MEIS3: variants seen among roughly 807,000 people sequenced by gnomAD.
MEIS3 encodes homeobox protein Meis3.
A neutral mutation model predicts 51.4 loss-of-function variants in MEIS3; 38 were observed. That is an observed-to-expected ratio of 0.74 (90% confidence interval 0.57 to 0.97). The LOEUF (loss-of-function observed/expected upper bound fraction) is 0.97. Ranked by LOEUF, MEIS3 falls within the 50% of genes least tolerant of loss-of-function variation. MEIS3 has a pLI of 0.00. For synonymous variants in MEIS3, 198 were observed against 201.8 expected (o/e 0.98, Z 0.16); for missense variants, 456 against 502.6 (o/e 0.91, Z 0.89).
chr19:47,404,618 C>T (rs1358266380), intron 12 of MEIS3, among the ~76,000 whole-genome samples: 1 of 152,136 alleles, frequency 6.6e-6, no homozygotes, highest in East Asian at 1.9e-4. Context: ...CTGCTTCACT[C>T]CTCCCATTCT....
At chr19:47,415,907 C>G (rs113877318) in intron 4 of MEIS3, 2 of 151,428 alleles carry the variant, frequency 1.3e-5, no homozygotes, top group Non-Finnish European at 2.9e-5. Flanking sequence ...TTCTCTAGCT[C>G]TCTATGAGAG....
rs1404482478 is a variant in MEIS3, at chr19:47,409,233, T to C, written c.724A>G (p.Thr242Ala). Residue 242 changes from threonine to alanine, a missense_variant, in exon 8 of 13, where the codon ACC becomes GCC. Transcript: ENST00000558555. ...NSSDQGDGLD[T>A]SVASPSSGGE... is the part of the protein sequence containing the mutation. The stretch of plus-strand genomic sequence containing the variant: ...CCAGAACTGGGAGAGGCCACGCTGG[T>C]GTCCAGCCCGTCTCCTGAGGGAAGG... 1.2e-6 allele frequency: 2 copies of C among 1,612,034 alleles called. No individual in the cohort carries two copies. The highest frequency in any genetic ancestry group is 3.3e-5 in the Admixed American group (2 of 59,746).
intron 12 of MEIS3, among the ~76,000 whole-genome samples, chr19:47,404,062 GGTATGGTGGCGCACGCCT>G (rs1202479931): frequency 1.3e-5 from 2 of 152,134 alleles, no homozygotes; most frequent in African/African-American, 4.8e-5. Context: ...AAATTAGCCA[GGTATGGTGGCGCACGCCT>G]GTAGTCTCAG....
intron 12 of MEIS3, among the ~76,000 whole-genome samples, chr19:47,403,831 C>G (rs574618344): frequency 6.6e-6 from 1 of 151,948 alleles, no homozygotes; most frequent in Admixed American, 6.6e-5. Flanking sequence ...AGAGACAGAC[C>G]TGGAGGGAGT....
rs1275640061 is a variant in MEIS3 at position 47,409,427 on chromosome 19, G to C, written c.709+9C>G. ...CCCATGTTTCCCTTCCACCTCCCAA[G>C]ATTCTCACCTTGGTCACTGGAGTTG... On this transcript the variant is annotated intron_variant, in intron 7 of 12. Transcript: ENST00000558555. 1 of 1,609,678 alleles carries C rather than the reference G, an allele frequency of 6.2e-7. No individual in the cohort carries two copies. The highest frequency in any genetic ancestry group is 8.5e-7 in the Non-Finnish European group (1 of 1,176,074).
rs369394236 is a variant in MEIS3, at chr19:47,406,535, C to CA, written c.1079-10dup. ...ACTCATCCCCACTGATCCTGGAAGA[C>CA]AAAAAAAAAGGAGGGTAAGTGCGTC... is the stretch of plus-strand genomic sequence containing the variant. On this transcript the variant is annotated splice_polypyrimidine_tract_variant and intron_variant, in intron 11 of 12. Transcript: ENST00000558555. The CA allele has an allele frequency of 3.6e-4, 574 of 1,576,128 alleles. No individual in the cohort carries two copies. Among genetic ancestry groups the CA allele is most frequent in the African/African-American group, 2.1e-3 (153 of 72,838 alleles).
Position 47,407,568 on chromosome 19 carries a change from T to C in MEIS3, c.859-140A>G, listed in dbSNP as rs369806833. The C allele has an allele frequency of 1.2e-4, 179 of 1,537,452 alleles. No homozygotes were observed. The African/African-American group carries it at 2.2e-3, about 19-fold the overall frequency. ...GAGAACCGGCGCTTCTGAGCGTCTC[T>C]GCGCTCCCCAGGATGGAGACCAAGG... is the stretch of plus-strand genomic sequence containing the variant. On this transcript the variant is annotated intron_variant, in intron 8 of 12. Coordinates refer to ENST00000558555, the MANE Select transcript of MEIS3 (RefSeq NM_001301059.2).
intron 6 of MEIS3, among the ~76,000 whole-genome samples, chr19:47,410,927 G>A (rs10410443): frequency 2.6e-5 from 4 of 152,014 alleles, no homozygotes; most frequent in African/African-American, 4.8e-5. Context: ...TCAGGATTCC[G>A]AACATTTCAC....
upstream of MEIS3, among the ~76,000 whole-genome samples, chr19:47,420,940 A>ACACACACACTCTCTCTCTCTCT (rs1187725467): frequency 6.6e-5 from 6 of 90,996 alleles, no homozygotes; most frequent in East Asian, 2.5e-4. Context: ...ACACACACAC[A>ACACACACACTCTCTCTCTCTCT]CTCTCTCTCT....
Position 47,419,095 on chromosome 19 carries a change from C to A in MEIS3, c.-14G>T. ...CCTCCGGGCCATGGGCTGAGGCCGG[C>A]GGCAGCTCCTGGGTCCCTCCAGAGC... On this transcript the variant is annotated 5_prime_UTR_variant, in exon 1 of 13. Transcript: ENST00000558555. The A allele has an allele frequency of 8.0e-7, 1 of 1,242,866 alleles. No individual in the cohort carries two copies. Among genetic ancestry groups the A allele is most frequent in the South Asian group, 3.6e-5 (1 of 27,714 alleles). The allele number at this position is 1,242,866 out of a possible 1,614,324, so 77.0% of individuals were successfully genotyped here.
chr19:47,406,103 A>G (rs61091270), intron 12 of MEIS3: 16,789 of 184,092 alleles, frequency 0.091, 900 homozygotes, highest in African/African-American at 0.13. Flanking sequence ...GCGAGTGGAG[A>G]GATGAATGGA....
In MEIS3 at chr19:47,416,885, T is replaced by C; in HGVS notation, c.264A>G (p.Gly88=). 6.2e-7 allele frequency: 1 copy of C among 1,613,738 alleles called. No homozygotes were observed. Among genetic ancestry groups the C allele is most frequent in the Non-Finnish European group, 8.5e-7 (1 of 1,179,936 alleles). ...LATCSPRDGA[G]AGLGTPPGGD... ...CTCCAGGGGGTGTCCCCAGCCCAGC[T>C]CCGGCCCCGTCACGGGGAGAGCATG... Residue 88 remains glycine, a synonymous_variant, in exon 3 of 13, where the codon GGA becomes GGG. Transcript: ENST00000558555.
upstream of MEIS3, among the ~76,000 whole-genome samples, chr19:47,421,304 C>T (rs948274255): frequency 3.9e-5 from 6 of 152,138 alleles, no homozygotes; most frequent in Admixed American, 2.0e-4. Context: ...ATGGGTCTCC[C>T]CAGCACGGGC....
intron 11 of MEIS3, 69 bp downstream of exon 11, chr19:47,406,819 G>T: frequency 7.4e-7 from 1 of 1,347,624 alleles, no homozygotes; most frequent in Non-Finnish European, 1.0e-6. Flanking sequence ...AATCTCAGGT[G>T]GGCATCTTTG....
chr19:47,419,156 C>T lies in MEIS3; in HGVS notation c.-75G>A. On this transcript the variant is annotated 5_prime_UTR_variant, in exon 1 of 13. Coordinates refer to ENST00000558555, the MANE Select transcript of MEIS3 (RefSeq NM_001301059.2). ...GGGAGGGCGCAGCCCGGGGCCGCAGCCCCTGACGGCCCGCGGTGTTGACGC... is the reference window on the plus strand; with the variant it reads ...GGGAGGGCGCAGCCCGGGGCCGCAGTCCCTGACGGCCCGCGGTGTTGACGC... 3.6e-6 allele frequency: 4 copies of T among 1,116,772 alleles called. No individual in the cohort carries two copies. The highest frequency in any genetic ancestry group is 3.3e-4 in the Middle Eastern group (1 of 2,996). 69.2% of individuals were successfully genotyped at this position (1,116,772 alleles called of 1,614,324 possible). A position where few individuals can be genotyped will look rare whatever the true frequency, so the allele number is the denominator to read the frequency against.
chr19:47,412,828 A>C (rs912221962), intron 6 of MEIS3, among the ~76,000 whole-genome samples: 1 of 151,506 alleles, frequency 6.6e-6, no homozygotes, highest in African/African-American at 2.4e-5. Context: ...TCAGCCTCCC[A>C]AAGTGCTGGG....
chr19:47,408,641 T>C (rs1970965523), intron 8 of MEIS3, among the ~76,000 whole-genome samples: 1 of 152,114 alleles, frequency 6.6e-6, no homozygotes, highest in Admixed American at 6.6e-5. Context: ...TTTAGCCTCT[T>C]CCTGGCTCTA....
At chr19:47,406,767 C>T in intron 11 of MEIS3, 121 bp downstream of exon 11, 1 of 1,000,566 alleles carries the variant, frequency 1.0e-6, no homozygotes. Flanking sequence ...GCATCACCTG[C>T]TTCTCACTAG....
rs1335431800 is a variant in MEIS3 at position 47,416,514 on chromosome 19, G to A, written c.396+138C>T. On this transcript the variant is annotated intron_variant, in intron 4 of 12. Transcript: ENST00000558555. Reference sequence around the variant, plus strand: ...GACTCTAGGCTGTACCACACGGCACGTGGGCAACAATCATGACGGTTTGGG... The same window carrying A: ...GACTCTAGGCTGTACCACACGGCACATGGGCAACAATCATGACGGTTTGGG... 2.6e-5 allele frequency: 19 copies of A among 720,818 alleles called. No homozygotes were observed. The East Asian group carries it at 4.0e-4, about 15-fold the overall frequency. The allele number at this position is 720,818 out of a possible 1,614,324, so 44.7% of individuals were successfully genotyped here.
Sources: gnomAD v4.1 joint callset for allele counts (sites outside exome capture counted in the v4.1 genomes callset) on GRCh38, gnomAD v4.1.1 for gene constraint, MANE v1.5 for transcripts, NCBI Gene and HGNC (gene_info 2026-07-23, HGNC 2026-07-21) for gene names.